The following AGBL4 variants were observed in gnomAD, a reference collection of about 807,000 sequenced individuals.
AGBL4 encodes the protein cytosolic carboxypeptidase 6.
Under a neutral mutation model 66.4 loss-of-function variants are expected in AGBL4, and 58 were observed. The observed-to-expected ratio is 0.87, with a 90% CI of 0.71 to 1.09. The LOEUF (loss-of-function observed/expected upper bound fraction) is 1.09. AGBL4 is among the 50% of genes least tolerant of loss of function. AGBL4 has a pLI of 0.00. For synonymous variants in AGBL4, 234 were observed against 222.9 expected, an observed-to-expected ratio of 1.05 and a Z score of -0.44; for missense variants, 579 against 631.0, an observed-to-expected ratio of 0.92 and a Z score of 0.88.
chr1:49,824,584 C>G (rs993722016), intron 2 of AGBL4, among the ~76,000 whole-genome samples: 1 of 152,182 alleles, frequency 6.6e-6, no homozygotes, highest in East Asian at 1.9e-4. Context: ...CTTAAACTGA[C>G]CTTAGGGCTT....
intron 3 of AGBL4, among the ~76,000 whole-genome samples, chr1:49,525,634 G>A (rs1023857878): frequency 3.3e-5 from 5 of 152,006 alleles, no homozygotes; most frequent in Non-Finnish European, 5.9e-5. Flanking sequence ...ACTTTACCTA[G>A]ATCTTATGTA....
At chr1:48,836,018 T>TA (rs1158798497) in intron 6 of AGBL4, among the ~76,000 whole-genome samples, 1 of 152,110 alleles carries the variant, frequency 6.6e-6, no homozygotes, top group Non-Finnish European at 1.5e-5. Context: ...TGACCACATG[T>TA]ACTGTTTGAC....
chr1:49,999,328 C>A (rs1187794114), intron 1 of AGBL4, among the ~76,000 whole-genome samples: 1 of 66,884 alleles, frequency 1.5e-5, no homozygotes, highest in Admixed American at 2.1e-4. Context: ...CCTTTTACTA[C>A]CACTGCAAAA....
chr1:48,816,045 T>TTGTG lies in AGBL4; in HGVS notation c.634+51142_634+51145dup, dbSNP rs59041939. Among the ~76,000 whole-genome samples, 421 of 144,382 alleles carry TTGTG rather than the reference T, an allele frequency of 2.9e-3. 4 individuals carry two copies. The highest frequency in any genetic ancestry group is 9.5e-3 in the African/African-American group (369 of 38,688). The allele number at this position is 144,382 out of a possible 152,430, so 94.7% of individuals were successfully genotyped here. A position where few individuals can be genotyped will look rare whatever the true frequency, so the allele number is the denominator to read the frequency against. On this transcript the variant is annotated intron_variant, in intron 6 of 13. Transcript: ENST00000371839. ...TTTGGCCACTTATTGAGGAACTGTT[T>TTGTG]TGTGTGTGTGTGTGTGTGTGTGTGT...
chr1:49,384,860 A>G (rs1248826584), intron 3 of AGBL4, among the ~76,000 whole-genome samples: 2 of 152,204 alleles, frequency 1.3e-5, no homozygotes, highest in African/African-American at 4.8e-5. Context: ...CTGGGCATAT[A>G]TCCAAAAATA....
At chr1:48,999,593 C>T (rs1446218657) in intron 5 of AGBL4, among the ~76,000 whole-genome samples, 1 of 152,080 alleles carries the variant, frequency 6.6e-6, no homozygotes, top group Non-Finnish European at 1.5e-5. Context: ...GGCTGTGCAG[C>T]ACGAGAAAAG....
intron 1 of AGBL4, among the ~76,000 whole-genome samples, chr1:49,935,186 G>A (rs886580217): frequency 5.1e-4 from 77 of 152,310 alleles, no homozygotes; most frequent in Non-Finnish European, 6.0e-4. Flanking sequence ...ATTATATCCC[G>A]CACATGGCTC....
intron 2 of AGBL4, among the ~76,000 whole-genome samples, chr1:49,821,970 T>C (rs1191200290): frequency 6.6e-6 from 1 of 152,172 alleles, no homozygotes; most frequent in Admixed American, 6.5e-5. Flanking sequence ...TACATTAATT[T>C]TGAGTTTTCC....
chr1:49,026,554 T>A (rs1663713915), intron 5 of AGBL4, among the ~76,000 whole-genome samples: 1 of 152,180 alleles, frequency 6.6e-6, no homozygotes, highest in Non-Finnish European at 1.5e-5. Context: ...CATCTAATTC[T>A]GTCATTTACT....
chr1:48,809,824 G>A (rs1053470000), intron 6 of AGBL4, among the ~76,000 whole-genome samples: 9 of 152,130 alleles, frequency 5.9e-5, no homozygotes, highest in African/African-American at 2.2e-4. Flanking sequence ...CTGACACACT[G>A]TTGGCAAGTA....
intron 6 of AGBL4, among the ~76,000 whole-genome samples, chr1:48,809,679 G>T (rs1330731314): frequency 6.6e-6 from 1 of 152,090 alleles, no homozygotes; most frequent in East Asian, 1.9e-4. Flanking sequence ...GTGCCTGCAG[G>T]CTGTTCAATT....
At chr1:48,960,906 C>T (rs2148939481) in intron 5 of AGBL4, among the ~76,000 whole-genome samples, 1 of 152,306 alleles carries the variant, frequency 6.6e-6, no homozygotes, top group African/African-American at 2.4e-5. Flanking sequence ...CTTTACTGTT[C>T]AACTATCTAT....
intron 3 of AGBL4, among the ~76,000 whole-genome samples, chr1:49,515,675 T>C (rs540980665): frequency 5.1e-4 from 77 of 151,828 alleles, no homozygotes; most frequent in Non-Finnish European, 8.7e-4. Flanking sequence ...TAAGAAAATG[T>C]GGCACATATA....
At chr1:49,727,745 G>C (rs1250845042) in intron 2 of AGBL4, among the ~76,000 whole-genome samples, 1 of 152,034 alleles carries the variant, frequency 6.6e-6, no homozygotes, top group Non-Finnish European at 1.5e-5. Flanking sequence ...CAGAAAATTT[G>C]GTTGAGTCCA....
In AGBL4 at chr1:50,012,319, CTTAA is replaced by C. The variant is rs145593973; in HGVS notation, c.34+11440_34+11443del. ...ATAGGGTGACTATAGTCAATAATAA[CTTAA>C]TTATACATTTTAAAATAATTTAGAG... On this transcript the variant is annotated intron_variant, in intron 1 of 13. Coordinates refer to ENST00000371839, the MANE Select transcript of AGBL4 (RefSeq NM_032785.4). 8.1e-3 allele frequency among the ~76,000 whole-genome samples: 1,226 copies of C among 151,732 alleles called. 8 individuals carry two copies. The highest frequency in any genetic ancestry group is 0.031 in the Middle Eastern group (9 of 294).
intron 5 of AGBL4, among the ~76,000 whole-genome samples, chr1:49,035,556 T>A (rs1664577877): frequency 6.6e-6 from 1 of 152,142 alleles, no homozygotes; most frequent in Admixed American, 6.5e-5. Context: ...TGTGCATGCT[T>A]GAGCCCACTC....
At chr1:49,042,143 A>G (rs1164891448) in intron 5 of AGBL4, among the ~76,000 whole-genome samples, 1 of 152,096 alleles carries the variant, frequency 6.6e-6, no homozygotes, top group Non-Finnish European at 1.5e-5. Flanking sequence ...AGACTTGTAT[A>G]TATACCTTGT....
chr1:49,148,449 T>G (rs1235910593), intron 4 of AGBL4, among the ~76,000 whole-genome samples: 1 of 152,180 alleles, frequency 6.6e-6, no homozygotes, highest in East Asian at 1.9e-4. Context: ...GAGGTGGGAA[T>G]TATTTCTTTG....
At chr1:49,735,299 GTGTGTGT>G (rs1649784850) in intron 2 of AGBL4, among the ~76,000 whole-genome samples, 1 of 72,378 alleles carries the variant, frequency 1.4e-5, no homozygotes, top group African/African-American at 4.2e-5. Context: ...GTGTGTGGGT[GTGTGTGT>G]GTGTGTGTGT....
Sources: allele counts gnomAD v4.1 joint callset (sites outside exome capture counted in the v4.1 genomes callset), GRCh38; gene constraint gnomAD v4.1.1; transcripts MANE v1.5; gene names NCBI Gene and HGNC (gene_info 2026-07-23, HGNC 2026-07-21).